Variants in CPD observed in about 807,000 individuals in gnomAD.
The protein encoded by CPD is carboxypeptidase D.
CPD carries 69 observed loss-of-function variants against 138.3 expected under a neutral mutation model. That is an observed-to-expected ratio of 0.50 (90% confidence interval 0.41 to 0.61). CPD has a LOEUF of 0.61. CPD is among the 20% of genes least tolerant of loss of function. The pLI is 0.00. For synonymous variants in CPD, 651 were observed against 642.1 expected (o/e 1.01, Z -0.21); for missense variants, 1,432 against 1,733.3 (o/e 0.83, Z 3.09).
chr17:30,455,548 T>A, intron 15 of CPD, 78 bp downstream of exon 15: 1 of 1,492,758 alleles, frequency 6.7e-7, no homozygotes. Context: ...CCCTTCCACA[T>A]TTTTATAAAT....
chr17:30,421,042 T>G, intron 3 of CPD, 59 bp downstream of exon 3: 1 of 1,492,688 alleles, frequency 6.7e-7, no homozygotes, highest in Non-Finnish European at 9.3e-7. Flanking sequence ...AGGGAGAAAT[T>G]TGGATGCATG....
In CPD at chr17:30,379,523, C is replaced by T. The variant is rs1275020817; in HGVS notation, c.543C>T (p.Ser181=). The change falls in exon 1 of 21, where the codon AGC becomes AGT. Residue 181 remains serine, a synonymous_variant. Transcript: ENST00000225719. This position sits in a 1 kb window ranked among gnomAD's most constrained non-coding sequence, Gnocchi z 7.0. ...LNTTDVYLLP[S]LNPDGFERAR... ...CCACCGACGTGTACCTGCTGCCCAG[C>T]CTCAACCCCGATGGCTTCGAGCGTG... 3 of 1,567,350 alleles carry T rather than the reference C, an allele frequency of 1.9e-6. No individual in the cohort carries two copies. The highest frequency in any genetic ancestry group is 1.7e-6 in the Non-Finnish European group (2 of 1,162,350).
In CPD at chr17:30,456,250, C is replaced by G. The variant is rs199795720; in HGVS notation, c.3338-6C>G. ...TCCACTGACTTCTAAATTTTTCTTTCTATAGTGGAAAATAAAGAGACTCTG... is the reference window on the plus strand; with the variant it reads ...TCCACTGACTTCTAAATTTTTCTTTGTATAGTGGAAAATAAAGAGACTCTG... On this transcript the variant is annotated splice_polypyrimidine_tract_variant and splice_region_variant and intron_variant, in intron 15 of 20. Coordinates refer to ENST00000225719, the MANE Select transcript of CPD (RefSeq NM_001304.5). 9.8e-5 allele frequency: 158 copies of G among 1,605,938 alleles called. 1 individual carries two copies. The African/African-American group carries it at 1.7e-3, about 18-fold the overall frequency.
At chr17:30,393,733 G>A (rs1911418840) in intron 2 of CPD, among the ~76,000 whole-genome samples, 1 of 152,226 alleles carries the variant, frequency 6.6e-6, no homozygotes, top group South Asian at 2.1e-4. Flanking sequence ...AATTTGAGGT[G>A]TGGATGACTA....
chr17:30,429,074 G>T (rs566068846), intron 7 of CPD, among the ~76,000 whole-genome samples: 9 of 152,084 alleles, frequency 5.9e-5, no homozygotes, highest in African/African-American at 9.7e-5. Context: ...TCCAAAAATT[G>T]CTTTGAAAGA....
chr17:30,412,424 G>T (rs1911990942), intron 2 of CPD, among the ~76,000 whole-genome samples: 1 of 152,232 alleles, frequency 6.6e-6, no homozygotes, highest in Admixed American at 6.5e-5. Flanking sequence ...GTCAGTCAGG[G>T]ACGTTTAAGT....
intron 2 of CPD, among the ~76,000 whole-genome samples, chr17:30,394,280 C>T (rs966673016): frequency 3.3e-5 from 5 of 152,050 alleles, no homozygotes; most frequent in African/African-American, 1.2e-4. Context: ...AGTTTAGCCT[C>T]AGCTCCTACC....
intron 1 of CPD, chr17:30,380,537 T>A: frequency 6.9e-7 from 1 of 1,459,132 alleles, no homozygotes; most frequent in Non-Finnish European, 9.0e-7. Context: ...AATACACACT[T>A]TAAGTGTTAT....
intron 11 of CPD, 43 bp from the exon 12 acceptor site, chr17:30,445,648 C>G (rs1203334303): frequency 7.8e-6 from 11 of 1,415,798 alleles, no homozygotes; most frequent in Non-Finnish European, 1.0e-5. Context: ...TTTGGGTACT[C>G]CAGCTGCAGG....
chr17:30,379,336 C>A lies in CPD; in HGVS notation c.356C>A (p.Pro119His). ...GACGCGGGGCCTGACGCTGCCGGGC[C>A]CGACGCTGCGGGGCCGCTGCTGCCC... ...EGDAGPDAAG[P>H]DAAGPLLPGR... The change falls in exon 1 of 21, where the codon CCC (proline) becomes CAC (histidine). Residue 119 changes from proline to histidine, a missense_variant. Transcript: ENST00000225719. This position sits in a 1 kb window ranked among gnomAD's most constrained non-coding sequence, Gnocchi z 7.0. 6.7e-7 allele frequency: 1 copy of A among 1,490,332 alleles called. No homozygotes were observed. The highest frequency in any genetic ancestry group is 8.9e-7 in the Non-Finnish European group (1 of 1,127,954). The allele number at this position is 1,490,332 out of a possible 1,614,324, so 92.3% of individuals were successfully genotyped here. A position where few individuals can be genotyped will look rare whatever the true frequency, so the allele number is the denominator to read the frequency against.
At chr17:30,394,699 G>A (rs1911451837) in intron 2 of CPD, among the ~76,000 whole-genome samples, 1 of 152,102 alleles carries the variant, frequency 6.6e-6, no homozygotes, top group African/African-American at 2.4e-5. Flanking sequence ...GAATGAAAAG[G>A]GAGTATAAGA....
chr17:30,438,750 T>G (rs534596010), intron 8 of CPD, among the ~76,000 whole-genome samples: 1 of 152,328 alleles, frequency 6.6e-6, no homozygotes, highest in South Asian at 2.1e-4. Context: ...GAGCACATTG[T>G]ATTTTGATTT....
At chr17:30,388,906 TTGGC>T (rs1480610014) in intron 2 of CPD, among the ~76,000 whole-genome samples, 2 of 152,150 alleles carry the variant, frequency 1.3e-5, no homozygotes, top group Non-Finnish European at 2.9e-5. Flanking sequence ...CACTGGGGAC[TTGGC>T]CCCAAGTGGC....
intron 6 of CPD, among the ~76,000 whole-genome samples, chr17:30,426,219 AGAGGTAATGCCT>A (rs1912404265): frequency 7.0e-6 from 1 of 143,816 alleles, no homozygotes; most frequent in African/African-American, 2.6e-5. Context: ...AAAAAAAAAA[AGAGGTAATGCCT>A]GACAGGTTCT....
chr17:30,429,282 C>T (rs1034473071), intron 7 of CPD, among the ~76,000 whole-genome samples: 5 of 152,142 alleles, frequency 3.3e-5, no homozygotes, highest in African/African-American at 1.2e-4. Flanking sequence ...TAATAAATCA[C>T]ACATCATGTT....
chr17:30,456,261 A>C lies in CPD; in HGVS notation c.3343A>C (p.Asn1115His). Residue 1115 changes from asparagine (N) to histidine (H), a missense_variant, in exon 16 of 21, where the codon AAT (asparagine) becomes CAT (histidine). By Grantham distance (68) the Asn-to-His change is moderately conservative. Transcript: ENST00000225719. ...PYDKPVQTVE[N>H]KETLKHLASL... The stretch of plus-strand genomic sequence containing the variant: ...CTAAATTTTTCTTTCTATAGTGGAA[A>C]ATAAAGAGACTCTGAAGCATTTGGC... 1 of 1,611,772 alleles carries C rather than the reference A, an allele frequency of 6.2e-7. No homozygotes were observed. Among genetic ancestry groups the C allele is most frequent in the Non-Finnish European group, 8.5e-7 (1 of 1,179,148 alleles).
At chr17:30,421,219 A>G (rs758516949) in intron 3 of CPD, among the ~76,000 whole-genome samples, 1 of 152,010 alleles carries the variant, frequency 6.6e-6, no homozygotes, top group Non-Finnish European at 1.5e-5. Flanking sequence ...TCCTTTTCCT[A>G]TCTTGGAACA....
chr17:30,429,574 A>G (rs1278703284), intron 7 of CPD, among the ~76,000 whole-genome samples: 1 of 152,218 alleles, frequency 6.6e-6, no homozygotes, highest in Non-Finnish European at 1.5e-5. Context: ...AGCTGATAAA[A>G]GACAGATTAA....
chr17:30,393,323 C>A (rs1317127313), intron 2 of CPD, among the ~76,000 whole-genome samples: 1 of 152,144 alleles, frequency 6.6e-6, no homozygotes, highest in Non-Finnish European at 1.5e-5. Flanking sequence ...AATTACCCAC[C>A]TGTTTTCAAC....
Sources: allele counts gnomAD v4.1 joint callset (sites outside exome capture counted in the v4.1 genomes callset), GRCh38; gene constraint gnomAD v4.1.1; non-coding constraint Gnocchi (gnomAD v3.1); transcripts MANE v1.5; gene names NCBI Gene and HGNC (gene_info 2026-07-23, HGNC 2026-07-21).